PTPRM: variants seen among roughly 807,000 people sequenced by gnomAD.
The protein encoded by PTPRM is protein tyrosine phosphatase receptor type M, also known as receptor-type tyrosine-protein phosphatase mu.
A neutral mutation model predicts 186.7 loss-of-function variants in PTPRM; 47 were observed. The observed-to-expected ratio is 0.25, with a 90% CI of 0.20 to 0.32. The LOEUF (loss-of-function observed/expected upper bound fraction) is 0.32, where lower values mean the gene tolerates loss of function less well. Among genes scored for constraint, PTPRM ranks in the 10% least tolerant of loss-of-function variants. The pLI, the probability that PTPRM is intolerant of heterozygous loss-of-function variation, is 1.00. For synonymous variants in PTPRM, 668 were observed against 674.9 expected (o/e 0.99, Z 0.16); for missense variants, 1,494 against 1,865.0 (o/e 0.80, Z 3.66).
At chr18:7,964,766 G>A (rs564827472) in intron 7 of PTPRM, among the ~76,000 whole-genome samples, 10 of 152,250 alleles carry the variant, frequency 6.6e-5, no homozygotes, top group South Asian at 6.2e-4. Context: ...TCAAGGTAGT[G>A]CCAAGAAAAA....
chr18:8,039,994 C>T (rs142897521), intron 7 of PTPRM, among the ~76,000 whole-genome samples: 62 of 152,198 alleles, frequency 4.1e-4, no homozygotes, highest in African/African-American at 1.4e-3. Flanking sequence ...ATATTGTAAA[C>T]CAATAGAACA....
intron 1 of PTPRM, among the ~76,000 whole-genome samples, chr18:7,734,634 C>T (rs1418040632): frequency 6.6e-6 from 1 of 152,052 alleles, no homozygotes; most frequent in Admixed American, 6.6e-5. Context: ...GATCTATTAC[C>T]TATGTTAATT....
intron 19 of PTPRM, among the ~76,000 whole-genome samples, chr18:8,267,692 A>G (rs1313605718): frequency 6.6e-6 from 1 of 152,214 alleles, no homozygotes; most frequent in African/African-American, 2.4e-5. Flanking sequence ...CTTAAGATTC[A>G]TTACATACTC....
Position 8,129,445 on chromosome 18 carries a change from CATTT to C in PTPRM, c.2168-14193_2168-14190del, listed in dbSNP as rs1412470738. The stretch of plus-strand genomic sequence containing the variant: ...CAATTGTGATATTTTGATTTTCATC[CATTT>C]ATTTATTTTAGGAAATTATTACTAC... On this transcript the variant is annotated intron_variant, in intron 13 of 32. Coordinates refer to ENST00000580170, the MANE Select transcript of PTPRM (RefSeq NM_001105244.2). Among the ~76,000 whole-genome samples the C allele has an allele frequency of 2.6e-5, 4 of 152,178 alleles. No individual in the cohort carries two copies. In the East Asian group the frequency reaches 7.7e-4, roughly 29 times the overall value.
chr18:7,609,081 A>G (rs1487363396), intron 1 of PTPRM, among the ~76,000 whole-genome samples: 1 of 152,342 alleles, frequency 6.6e-6, no homozygotes, highest in East Asian at 1.9e-4. Flanking sequence ...CTATTATTAA[A>G]TGATTACACA....
At chr18:8,402,053 T>A (rs1246569672) in intron 32 of PTPRM, among the ~76,000 whole-genome samples, 1 of 152,230 alleles carries the variant, frequency 6.6e-6, no homozygotes, top group Non-Finnish European at 1.5e-5. Context: ...ACATTCCTTT[T>A]TCCCCTGGAG....
chr18:7,765,129 T>C lies in PTPRM; in HGVS notation c.74-9020T>C, dbSNP rs188629927. Among the ~76,000 whole-genome samples the C allele has an allele frequency of 1.0e-3, 156 of 152,340 alleles. 1 individual carries two copies. Among genetic ancestry groups the C allele is most frequent in the Admixed American group, 2.0e-3 (31 of 15,306 alleles). On this transcript the variant is annotated intron_variant, in intron 1 of 32. Transcript: ENST00000580170. ...TACTGCACATTAAAGAAAATTTTACTATCAATAAGAAAAATACATCTTTGT... is the reference window on the plus strand; with the variant it reads ...TACTGCACATTAAAGAAAATTTTACCATCAATAAGAAAAATACATCTTTGT...
At chr18:8,371,330 T>G (rs1439185721) in intron 24 of PTPRM, among the ~76,000 whole-genome samples, 1 of 152,240 alleles carries the variant, frequency 6.6e-6, no homozygotes, top group Non-Finnish European at 1.5e-5. Flanking sequence ...TGCTAAATTT[T>G]GATAAATGTC....
intron 19 of PTPRM, among the ~76,000 whole-genome samples, chr18:8,292,839 A>G (rs1026901684): frequency 1.3e-5 from 2 of 152,218 alleles, no homozygotes; most frequent in Admixed American, 6.5e-5. Context: ...AGAGACAAGC[A>G]GAGATAATCT....
chr18:7,583,800 C>G (rs1281199825), intron 1 of PTPRM, among the ~76,000 whole-genome samples: 1 of 152,170 alleles, frequency 6.6e-6, no homozygotes, highest in African/African-American at 2.4e-5. Context: ...GTGAAAGGTG[C>G]AAAATCCTTT....
At chr18:7,660,107 G>A (rs1231282908) in intron 1 of PTPRM, among the ~76,000 whole-genome samples, 2 of 152,102 alleles carry the variant, frequency 1.3e-5, no homozygotes, top group Non-Finnish European at 2.9e-5. Flanking sequence ...TTGGGAGGCT[G>A]AGATAGATCA....
In PTPRM at chr18:8,200,410, T is replaced by C. The variant is rs532950281; in HGVS notation, c.2301-43648T>C. ...GAAGGTGGGGCAAATGACTGGCACC[T>C]TGTCACAAGACATTGTTGTTTTTAC... On this transcript the variant is annotated intron_variant, in intron 14 of 32. Transcript: ENST00000580170. Among the ~76,000 whole-genome samples the C allele has an allele frequency of 1.4e-4, 22 of 152,382 alleles. No homozygotes were observed. In the East Asian group the frequency reaches 3.9e-3, roughly 27 times the overall value.
chr18:8,400,600 G>A (rs1163998113), intron 32 of PTPRM, among the ~76,000 whole-genome samples: 7 of 152,074 alleles, frequency 4.6e-5, no homozygotes, highest in Non-Finnish European at 1.0e-4. Context: ...TTCACAGCTC[G>A]CCGCCCCCTC....
At chr18:8,274,135 T>C (rs1385579774) in intron 19 of PTPRM, among the ~76,000 whole-genome samples, 1 of 152,184 alleles carries the variant, frequency 6.6e-6, no homozygotes. Context: ...GGGGACTAAA[T>C]CTTGTATAGA....
intron 4 of PTPRM, among the ~76,000 whole-genome samples, chr18:7,920,532 G>T (rs935458832): frequency 6.6e-6 from 1 of 152,026 alleles, no homozygotes; most frequent in South Asian, 2.1e-4. Context: ...TTCAGTTTGC[G>T]TGTTTTTATA....
intron 2 of PTPRM, among the ~76,000 whole-genome samples, chr18:7,807,694 A>G (rs887417830): frequency 6.6e-6 from 1 of 152,256 alleles, no homozygotes; most frequent in Non-Finnish European, 1.5e-5. Flanking sequence ...CTGTTGAGAA[A>G]TGAAAGATAA....
At chr18:8,141,532 A>G (rs1034104364) in intron 13 of PTPRM, among the ~76,000 whole-genome samples, 1 of 152,214 alleles carries the variant, frequency 6.6e-6, no homozygotes, top group South Asian at 2.1e-4. Context: ...AAAGCAGAAT[A>G]GTCATTCATC....
chr18:7,772,349 CTCTT>C (rs71935994), intron 1 of PTPRM, among the ~76,000 whole-genome samples: 10,756 of 95,856 alleles, frequency 0.11, 740 homozygotes, highest in Non-Finnish European at 0.12. Flanking sequence ...TTCTTTCTTT[CTCTT>C]TCTTTCTTTC....
At chr18:8,074,583 C>T (rs559311146) in intron 8 of PTPRM, among the ~76,000 whole-genome samples, 1 of 152,206 alleles carries the variant, frequency 6.6e-6, no homozygotes, top group East Asian at 1.9e-4. Flanking sequence ...CATGTCTTTT[C>T]GTTATAGTAA....
Sources: allele counts gnomAD v4.1 joint callset (sites outside exome capture counted in the v4.1 genomes callset), GRCh38; gene constraint gnomAD v4.1.1; transcripts MANE v1.5; gene names NCBI Gene and HGNC (gene_info 2026-07-23, HGNC 2026-07-21).